FAM193B: variants seen among roughly 807,000 people sequenced by gnomAD.
FAM193B encodes the protein protein FAM193B.
In FAM193B, 27 loss-of-function variants were observed where a neutral mutation model predicts 70.7. That is an observed-to-expected ratio of 0.38 (90% CI 0.28 to 0.53). The LOEUF is 0.53. Among genes scored for constraint, FAM193B ranks in the 20% least tolerant of loss-of-function variants. The pLI, the probability that FAM193B is intolerant of heterozygous loss-of-function variation, is 0.81. For synonymous variants in FAM193B, 448 were observed against 436.0 expected, an observed-to-expected ratio of 1.03 and a Z score of -0.34; for missense variants, 1,022 against 1,072.5, an observed-to-expected ratio of 0.95 and a Z score of 0.66.
intron 1 of FAM193B, chr5:177,547,286 C>CTGTTTTTTTT (rs1765555887): frequency 1.1e-5 from 1 of 89,414 alleles, no homozygotes; most frequent in African/African-American, 4.6e-5. Context: ...AAATTTATTT[C>CTGTTTTTTTT]TTTTTTTTTT....
intron 1 of FAM193B, among the ~76,000 whole-genome samples, chr5:177,545,930 T>C (rs957535710): frequency 6.6e-6 from 1 of 152,146 alleles, no homozygotes; most frequent in South Asian, 2.1e-4. Context: ...CAAATTCTAT[T>C]TTGAAATGGC....
intron 8 of FAM193B, among the ~76,000 whole-genome samples, chr5:177,521,525 T>G (rs745927519): frequency 3.7e-4 from 57 of 152,322 alleles, no homozygotes; most frequent in Admixed American, 1.5e-3. Context: ...TTATACTGCT[T>G]CAGCTGGGAA....
At position 177,538,358 on chromosome 5, in the gene FAM193B, C is replaced by T. The variant is rs1473479213; in HGVS notation, c.454-251G>A. On this transcript the variant is annotated intron_variant, in intron 2 of 8. Coordinates refer to ENST00000514747, the MANE Select transcript of FAM193B (RefSeq NM_001190946.3). This position sits in a 1 kb window ranked among gnomAD's most constrained non-coding sequence, Gnocchi z 4.1. Reference sequence around the variant, plus strand: ...GAGACTCTGGTAGGGGCAGAGACTGCCTGTGAACTGCGGGCCTTTGGGGAG... The same window carrying T: ...GAGACTCTGGTAGGGGCAGAGACTGTCTGTGAACTGCGGGCCTTTGGGGAG... Among the ~76,000 whole-genome samples, 1 of 152,184 alleles carries T rather than the reference C, an allele frequency of 6.6e-6. No individual in the cohort carries two copies. Among genetic ancestry groups the T allele is most frequent in the African/African-American group, 2.4e-5 (1 of 41,448 alleles).
At position 177,523,220 on chromosome 5, in the gene FAM193B, G is replaced by C. The variant is rs1299041355; in HGVS notation, c.2372+737C>G. The C allele has an allele frequency of 8.1e-6, 3 of 370,832 alleles. No individual in the cohort carries two copies. The Admixed American group carries it at 8.8e-5, about 11-fold the overall frequency. The allele number at this position is 370,832 out of a possible 1,614,324, so 23.0% of individuals were successfully genotyped here. A position where few individuals can be genotyped will look rare whatever the true frequency, so the allele number is the denominator to read the frequency against. Reference sequence around the variant, plus strand: ...TCACCAACTTGGCCAGGCTGGTCTTGAACTCCTGATCTCAGGTGATCCACC... The same window carrying C: ...TCACCAACTTGGCCAGGCTGGTCTTCAACTCCTGATCTCAGGTGATCCACC... On this transcript the variant is annotated intron_variant, in intron 7 of 8. Coordinates refer to ENST00000514747, the MANE Select transcript of FAM193B (RefSeq NM_001190946.3).
chr5:177,532,620 G>A lies in FAM193B; in HGVS notation c.1098C>T (p.His366=). The A allele has an allele frequency of 1.3e-6, 2 of 1,562,188 alleles. No individual in the cohort carries two copies. The highest frequency in any genetic ancestry group is 8.6e-7 in the Non-Finnish European group (1 of 1,161,470). The change falls in exon 5 of 9, where the codon CAC becomes CAT. Residue 366 remains histidine (H), a synonymous_variant. Coordinates refer to ENST00000514747, the MANE Select transcript of FAM193B (RefSeq NM_001190946.3). This position sits in a 1 kb window ranked among gnomAD's most constrained non-coding sequence, Gnocchi z 4.9. ...AAGCCAGGCCACTGTGTGCAAACTTGTGCCCCTTGCACCCGGGATCCCTGA... is the reference window on the plus strand; with the variant it reads ...AAGCCAGGCCACTGTGTGCAAACTTATGCCCCTTGCACCCGGGATCCCTGA... ...STHRDPGCKG[H]KFAHSGLACQ...
intron 1 of FAM193B, chr5:177,553,422 C>T: frequency 1.9e-6 from 2 of 1,054,032 alleles, no homozygotes; most frequent in Non-Finnish European, 2.3e-6. Context: ...GCCACCCAGC[C>T]CCGAGTGCCA....
Position 177,532,171 on chromosome 5 carries a change from CTT to C in FAM193B, c.1275+270_1275+271del, listed in dbSNP as rs1306369042. On this transcript the variant is annotated intron_variant, in intron 5 of 8. Coordinates refer to ENST00000514747, the MANE Select transcript of FAM193B (RefSeq NM_001190946.3). The surrounding 1 kb of genome is among the most constrained non-coding windows in gnomAD (Gnocchi z 4.9). Reference sequence around the variant, plus strand: ...GTATACATACTCATCAGAATCATAGCTTTCTCTCTGCCATTTCCTTTCCTTTT... The same window carrying C: ...GTATACATACTCATCAGAATCATAGCTCTCTCTGCCATTTCCTTTCCTTTT... The C allele has an allele frequency of 6.8e-7, 1 of 1,463,510 alleles. No individual in the cohort carries two copies. Among genetic ancestry groups the C allele is most frequent in the Admixed American group, 2.1e-5 (1 of 48,164 alleles). 90.7% of individuals were successfully genotyped at this position (1,463,510 alleles called of 1,614,324 possible). A position where few individuals can be genotyped will look rare whatever the true frequency, so the allele number is the denominator to read the frequency against.
chr5:177,547,978 G>A (rs1208041507), intron 1 of FAM193B, among the ~76,000 whole-genome samples: 1 of 150,728 alleles, frequency 6.6e-6, no homozygotes, highest in African/African-American at 2.5e-5. Context: ...ACACACACAG[G>A]GCCCTTCCCA....
chr5:177,550,810 G>A (rs1009575600), intron 1 of FAM193B, among the ~76,000 whole-genome samples: 3 of 152,164 alleles, frequency 2.0e-5, no homozygotes, highest in African/African-American at 7.2e-5. Flanking sequence ...TGCTGCATAG[G>A]TTGCTTCTCT....
intron 4 of FAM193B, among the ~76,000 whole-genome samples, chr5:177,533,964 A>G (rs1304357496): frequency 6.6e-6 from 1 of 152,248 alleles, no homozygotes; most frequent in Non-Finnish European, 1.5e-5. Context: ...GGTAAGAATG[A>G]GACATACGCC....
chr5:177,534,504 A>G (rs1763943048), intron 4 of FAM193B, among the ~76,000 whole-genome samples: 1 of 151,512 alleles, frequency 6.6e-6, no homozygotes, highest in Non-Finnish European at 1.5e-5. Context: ...AGGTTTCACC[A>G]TGCTGGCCAG....
At chr5:177,523,827 C>T (rs1762147240) in intron 7 of FAM193B, 130 bp downstream of exon 7, 14 of 956,894 alleles carry the variant, frequency 1.5e-5, no homozygotes, top group East Asian at 5.3e-5. Flanking sequence ...CCTGGGGGGG[C>T]GGTGAGCCTC....
chr5:177,520,543 G>A (rs1761564643), intron 8 of FAM193B, among the ~76,000 whole-genome samples: 1 of 152,160 alleles, frequency 6.6e-6, no homozygotes, highest in African/African-American at 2.4e-5. Flanking sequence ...AAAGGAGAGC[G>A]CTTACTAGGG....
chr5:177,531,536 G>GGGTGGGGGGGGGGGGGT, intron 5 of FAM193B: 1 of 1,047,042 alleles, frequency 9.6e-7, no homozygotes, highest in Non-Finnish European at 1.3e-6. Context: ...GGGTGGGGGG[G>GGGTGGGGGGGGGGGGGT]AGGTGCTGAC....
intron 1 of FAM193B, chr5:177,553,734 A>G (rs1157855132): frequency 5.4e-6 from 7 of 1,287,828 alleles, no homozygotes; most frequent in Non-Finnish European, 7.1e-6. Context: ...GTCTGCTCCA[A>G]CTGCTCTGCT....
chr5:177,526,793 C>T (rs1032692081), intron 5 of FAM193B, among the ~76,000 whole-genome samples: 2 of 152,208 alleles, frequency 1.3e-5, no homozygotes, highest in African/African-American at 4.8e-5. Flanking sequence ...TACACCCAGG[C>T]CTGATCTTCA....
intron 7 of FAM193B, among the ~76,000 whole-genome samples, chr5:177,522,791 T>G (rs1265591633): frequency 6.6e-6 from 1 of 152,268 alleles, no homozygotes; most frequent in African/African-American, 2.4e-5. Context: ...CTTGGCTTAC[T>G]GCAACCTCTG....
chr5:177,550,307 G>C (rs1180601256), intron 1 of FAM193B, among the ~76,000 whole-genome samples: 1 of 152,212 alleles, frequency 6.6e-6, no homozygotes, highest in Non-Finnish European at 1.5e-5. Context: ...AATGGAAGTA[G>C]TGCAGGCTGG....
chr5:177,536,230 A>T, intron 4 of FAM193B, 128 bp downstream of exon 4: 1 of 1,096,504 alleles, frequency 9.1e-7, no homozygotes, highest in Non-Finnish European at 1.3e-6. Flanking sequence ...ATACTTCTTT[A>T]CAATTGAAAA....
Sources: allele counts gnomAD v4.1 joint callset (sites outside exome capture counted in the v4.1 genomes callset), GRCh38; gene constraint gnomAD v4.1.1; non-coding constraint Gnocchi (gnomAD v3.1); transcripts MANE v1.5; gene names NCBI Gene and HGNC (gene_info 2026-07-23, HGNC 2026-07-21).